AUH: variants seen among roughly 807,000 people sequenced by gnomAD.
The protein encoded by AUH is methylglutaconyl-CoA hydratase, mitochondrial.
AUH carries 29 observed loss-of-function variants against 42.3 expected under a neutral mutation model. The observed-to-expected ratio is 0.69, with a 90% CI of 0.51 to 0.93. The LOEUF (loss-of-function observed/expected upper bound fraction) is 0.93. AUH is among the 40% of genes least tolerant of loss of function. AUH has a pLI of 0.00. For missense variants in AUH, 452 were observed against 438.1 expected, an observed-to-expected ratio of 1.03 and a Z score of -0.28; for synonymous variants, 174 against 166.4, an observed-to-expected ratio of 1.05 and a Z score of -0.35.
chr9:91,230,758 G>A (rs977872337), intron 6 of AUH, among the ~76,000 whole-genome samples: 1 of 152,156 alleles, frequency 6.6e-6, no homozygotes, highest in Non-Finnish European at 1.5e-5. Flanking sequence ...CTGTTTGTTA[G>A]TTTTCCTTCT....
intron 4 of AUH, among the ~76,000 whole-genome samples, chr9:91,314,012 T>C (rs1369944623): frequency 1.3e-5 from 2 of 151,682 alleles, no homozygotes; most frequent in Non-Finnish European, 2.9e-5. Context: ...CGAGTAGAGA[T>C]GGGGGTTCAC....
intron 6 of AUH, among the ~76,000 whole-genome samples, chr9:91,286,755 T>TCTAC (rs1178783074): frequency 2.6e-5 from 4 of 151,392 alleles, no homozygotes; most frequent in Non-Finnish European, 5.9e-5. Context: ...TATCTACCTA[T>TCTAC]CTACCTACCT....
chr9:91,353,209 C>G (rs1274916158), intron 3 of AUH, among the ~76,000 whole-genome samples: 1 of 152,000 alleles, frequency 6.6e-6, no homozygotes, highest in Non-Finnish European at 1.5e-5. Flanking sequence ...GCCTCGGCCT[C>G]CTGAGTAGCT....
At chr9:91,331,615 G>A (rs568103614) in intron 3 of AUH, among the ~76,000 whole-genome samples, 1 of 152,204 alleles carries the variant, frequency 6.6e-6, no homozygotes, top group African/African-American at 2.4e-5. Context: ...ACAACGCATG[G>A]AATTGATACA....
At chr9:91,298,112 A>C (rs761138020) in intron 4 of AUH, 36 bp from the exon 5 acceptor site, 55 of 1,478,948 alleles carry the variant, frequency 3.7e-5, no homozygotes, top group Non-Finnish European at 5.0e-5. Context: ...TTCCTTAATA[A>C]GATTATTATC....
chr9:91,295,893 G>T, intron 6 of AUH, 128 bp downstream of exon 6: 2 of 1,035,752 alleles, frequency 1.9e-6, no homozygotes, highest in Non-Finnish European at 1.5e-6. Flanking sequence ...GACTTTGCTA[G>T]GGATGCAAAC....
intron 6 of AUH, among the ~76,000 whole-genome samples, chr9:91,268,291 G>A (rs1010065642): frequency 5.9e-5 from 9 of 152,296 alleles, no homozygotes; most frequent in Admixed American, 4.6e-4. Flanking sequence ...TTTCTATAAT[G>A]AGAACATACT....
Position 91,214,237 on chromosome 9 carries a change from G to C in AUH, c.*111C>G, listed in dbSNP as rs1826694581. On this transcript the variant is annotated 3_prime_UTR_variant, in exon 10 of 10. Transcript: ENST00000375731. The stretch of plus-strand genomic sequence containing the variant: ...GCTTATTACACCGTATGAATAATCT[G>C]CTCTTCACTTTGGTCATTAAGGTTC... 6.9e-6 allele frequency: 6 copies of C among 867,444 alleles called. No individual in the cohort carries two copies. Among genetic ancestry groups the C allele is most frequent in the Non-Finnish European group, 1.1e-5 (6 of 533,122 alleles). The allele number at this position is 867,444 out of a possible 1,614,324, so 53.7% of individuals were successfully genotyped here.
rs368406742 is a variant in AUH at position 91,328,882 on chromosome 9, C to G, written c.419-3478G>C. Among the ~76,000 whole-genome samples the G allele has an allele frequency of 4.6e-5, 7 of 152,256 alleles. No homozygotes were observed. The East Asian group carries it at 1.4e-3, about 29-fold the overall frequency. On this transcript the variant is annotated intron_variant, in intron 3 of 9. Transcript: ENST00000375731. Reference sequence around the variant, plus strand: ...CCATCACCTCAATCTGATCTTAGAACACCTCCATTATCACAAAAAGATCTC... The same window carrying G: ...CCATCACCTCAATCTGATCTTAGAAGACCTCCATTATCACAAAAAGATCTC...
intron 3 of AUH, among the ~76,000 whole-genome samples, chr9:91,347,491 A>G (rs889263583): frequency 3.9e-5 from 6 of 152,270 alleles, no homozygotes; most frequent in African/African-American, 1.4e-4. Flanking sequence ...GAGGGTGCTA[A>G]AAGTTCTAAT....
chr9:91,235,749 A>G (rs1828140020), intron 6 of AUH, among the ~76,000 whole-genome samples: 1 of 152,142 alleles, frequency 6.6e-6, no homozygotes, highest in Non-Finnish European at 1.5e-5. Flanking sequence ...CAATAAAGCT[A>G]TGTCTGCAGG....
chr9:91,350,610 T>C (rs542470809), intron 3 of AUH, among the ~76,000 whole-genome samples: 12 of 152,092 alleles, frequency 7.9e-5, no homozygotes, highest in Admixed American at 7.9e-4. Context: ...AATACAAAAA[T>C]TAGCTGGGCA....
In AUH at chr9:91,325,400, A is replaced by C; in HGVS notation, c.423T>G (p.Ala141=). 6.2e-7 allele frequency: 1 copy of C among 1,613,562 alleles called. No homozygotes were observed. Among genetic ancestry groups the C allele is most frequent in the Non-Finnish European group, 8.5e-7 (1 of 1,179,588 alleles). Residue 141 remains alanine (A), a synonymous_variant, in exon 4 of 10, where the codon GCT becomes GCG. Transcript: ENST00000375731. ...SEVPGIFCAG[A]DLKERAKMSS... The stretch of plus-strand genomic sequence containing the variant: ...TCATTTTGGCTCTTTCCTTAAGGTC[A>C]GCACCTGCAAAGTATTTTATTTACA...
At chr9:91,318,322 AT>A (rs1202523379) in intron 4 of AUH, among the ~76,000 whole-genome samples, 1 of 152,062 alleles carries the variant, frequency 6.6e-6, no homozygotes, top group Non-Finnish European at 1.5e-5. Flanking sequence ...GCTTTTAGAA[AT>A]TTTTTTTCCT....
intron 6 of AUH, among the ~76,000 whole-genome samples, chr9:91,225,256 A>T (rs1326588261): frequency 1.3e-5 from 2 of 152,180 alleles, no homozygotes; most frequent in Admixed American, 6.5e-5. Context: ...GGCTCAAATG[A>T]TCCTTCTGCC....
At chr9:91,351,702 A>T (rs1001517080) in intron 3 of AUH, among the ~76,000 whole-genome samples, 14 of 152,340 alleles carry the variant, frequency 9.2e-5, no homozygotes, top group Non-Finnish European at 2.1e-4. Context: ...CAGCCGCATT[A>T]GATTCTCATA....
chr9:91,276,567 G>T (rs542325498), intron 6 of AUH, among the ~76,000 whole-genome samples: 5 of 152,196 alleles, frequency 3.3e-5, no homozygotes, highest in Admixed American at 3.3e-4. Flanking sequence ...ACAAAACACT[G>T]TAACAGGTCA....
intron 6 of AUH, among the ~76,000 whole-genome samples, chr9:91,273,666 T>A (rs748358374): frequency 6.6e-6 from 1 of 152,254 alleles, no homozygotes; most frequent in Non-Finnish European, 1.5e-5. Context: ...CAGATGTTTT[T>A]AAGGCATCAA....
At chr9:91,292,273 CTTT>C (rs1017680283) in intron 6 of AUH, among the ~76,000 whole-genome samples, 3 of 130,964 alleles carry the variant, frequency 2.3e-5, no homozygotes, top group Non-Finnish European at 3.3e-5. Context: ...TGGGAACCCT[CTTT>C]TTTTTTTTTT....
Sources: gnomAD v4.1 joint callset for allele counts (sites outside exome capture counted in the v4.1 genomes callset) on GRCh38, gnomAD v4.1.1 for gene constraint, MANE v1.5 for transcripts, NCBI Gene and HGNC (gene_info 2026-07-23, HGNC 2026-07-21) for gene names.